The following SCFD2 variants were observed in gnomAD, a reference collection of about 807,000 sequenced individuals.
SCFD2 encodes the protein sec1 family domain-containing protein 2.
In SCFD2, 54 loss-of-function variants were observed where a neutral mutation model predicts 58.9. The ratio of observed to expected loss-of-function variants is 0.92; its 90% CI spans 0.74 to 1.15. SCFD2 has a LOEUF of 1.15. Ranked by LOEUF, SCFD2 falls within the 50% of genes most tolerant of loss-of-function variation. The pLI is 0.00. For synonymous variants in SCFD2, 321 were observed against 335.9 expected (o/e 0.96, Z 0.49); for missense variants, 805 against 836.6 (o/e 0.96, Z 0.47).
chr4:53,034,199 C>T (rs370223791), intron 5 of SCFD2, among the ~76,000 whole-genome samples: 5 of 151,912 alleles, frequency 3.3e-5, no homozygotes, highest in African/African-American at 7.3e-5. Flanking sequence ...ATAAACAGAA[C>T]CATAACCAAT....
chr4:53,360,151 A>G (rs1734511629), intron 1 of SCFD2, among the ~76,000 whole-genome samples: 1 of 152,238 alleles, frequency 6.6e-6, no homozygotes, highest in Non-Finnish European at 1.5e-5. Flanking sequence ...ACAGCTATGT[A>G]CCCACTGAAA....
chr4:53,057,524 G>A (rs140928645), intron 5 of SCFD2, among the ~76,000 whole-genome samples: 1,731 of 151,976 alleles, frequency 0.011, 18 homozygotes, highest in Middle Eastern at 0.034. Context: ...ACACAGAGAG[G>A]GGAACAACAC....
intron 4 of SCFD2, among the ~76,000 whole-genome samples, chr4:53,156,629 C>T (rs1239761368): frequency 1.3e-5 from 2 of 152,116 alleles, no homozygotes; most frequent in African/African-American, 2.4e-5. Flanking sequence ...ACCCAGGAGG[C>T]GGAGCTTGCC....
intron 7 of SCFD2, among the ~76,000 whole-genome samples, chr4:52,905,529 G>A (rs920481661): frequency 3.3e-5 from 5 of 152,206 alleles, no homozygotes; most frequent in African/African-American, 1.2e-4. Flanking sequence ...GCTAAAGGCT[G>A]AGGAATGGAT....
intron 5 of SCFD2, among the ~76,000 whole-genome samples, chr4:52,933,618 C>T (rs576137672): frequency 6.6e-6 from 1 of 152,274 alleles, no homozygotes; most frequent in East Asian, 1.9e-4. Context: ...TGGTGAACTA[C>T]AGCCGGCTCC....
intron 4 of SCFD2, among the ~76,000 whole-genome samples, chr4:53,196,750 T>C (rs1728070059): frequency 6.7e-6 from 1 of 150,350 alleles, no homozygotes; most frequent in African/African-American, 2.5e-5. Context: ...TAAAAAGGGG[T>C]GGGGGAAGGA....
intron 4 of SCFD2, among the ~76,000 whole-genome samples, chr4:53,245,571 A>G (rs1730041696): frequency 6.6e-6 from 1 of 152,206 alleles, no homozygotes; most frequent in Non-Finnish European, 1.5e-5. Context: ...CTTCATGTTG[A>G]AAACACTCAA....
intron 4 of SCFD2, among the ~76,000 whole-genome samples, chr4:53,228,683 T>G (rs1405129807): frequency 6.6e-6 from 1 of 152,074 alleles, no homozygotes; most frequent in East Asian, 1.9e-4. Flanking sequence ...GGGCAAAAAC[T>G]GGAAGCATTC....
intron 5 of SCFD2, among the ~76,000 whole-genome samples, chr4:53,017,873 G>A (rs1359055269): frequency 2.1e-5 from 3 of 145,400 alleles, no homozygotes; most frequent in East Asian, 2.0e-4. Context: ...TACCTGGTAG[G>A]TCATTCCCCA....
At chr4:53,090,859 A>C (rs1207683861) in intron 5 of SCFD2, among the ~76,000 whole-genome samples, 2 of 152,118 alleles carry the variant, frequency 1.3e-5, no homozygotes, top group Non-Finnish European at 1.5e-5. Context: ...TGGGATAAGC[A>C]CTATCATCAT....
At chr4:53,097,985 T>A (rs187036114) in intron 5 of SCFD2, among the ~76,000 whole-genome samples, 82 of 152,340 alleles carry the variant, frequency 5.4e-4, no homozygotes, top group African/African-American at 1.9e-3. Context: ...ATGTGGCTTT[T>A]GTCTTTGGTT....
chr4:53,100,076 G>A (rs905658193), intron 5 of SCFD2, among the ~76,000 whole-genome samples: 3 of 152,150 alleles, frequency 2.0e-5, no homozygotes, highest in African/African-American at 7.2e-5. Context: ...GGAAACTGAT[G>A]AAGAAAACAA....
intron 5 of SCFD2, among the ~76,000 whole-genome samples, chr4:53,021,048 T>C (rs1293001666): frequency 6.6e-6 from 1 of 152,172 alleles, no homozygotes; most frequent in Non-Finnish European, 1.5e-5. Flanking sequence ...TTACATTCTT[T>C]TAGAAATGAG....
At chr4:52,927,637 A>G (rs1375703874) in intron 5 of SCFD2, among the ~76,000 whole-genome samples, 1 of 152,234 alleles carries the variant, frequency 6.6e-6, no homozygotes, top group Non-Finnish European at 1.5e-5. Flanking sequence ...ATTTAATTAA[A>G]TCTTGCAACT....
intron 3 of SCFD2, among the ~76,000 whole-genome samples, chr4:53,275,298 A>C (rs11724781): frequency 0.47 from 72,040 of 152,076 alleles, 18,276 homozygotes; most frequent in Admixed American, 0.56. Context: ...TGAAGAGATA[A>C]AGAATGTTTA....
chr4:53,318,757 A>G (rs1228288891), intron 2 of SCFD2, among the ~76,000 whole-genome samples: 7 of 152,180 alleles, frequency 4.6e-5, no homozygotes, highest in East Asian at 3.9e-4. Flanking sequence ...TGGCCAAATT[A>G]AGGAAAATTT....
At chr4:53,180,093 G>A (rs905508087) in intron 4 of SCFD2, among the ~76,000 whole-genome samples, 17 of 152,018 alleles carry the variant, frequency 1.1e-4, no homozygotes, top group Non-Finnish European at 1.3e-4. Flanking sequence ...ACAGAACAAC[G>A]AGACAGAAAG....
chr4:52,937,197 G>A (rs934665007), intron 5 of SCFD2, among the ~76,000 whole-genome samples: 5 of 152,202 alleles, frequency 3.3e-5, no homozygotes, highest in Admixed American at 2.0e-4. Context: ...CTGGACAGAA[G>A]GGCAGCAAGT....
rs66657838 is a variant in SCFD2, at chr4:53,328,144, C to CA, written c.1008-14382dup. 6.0e-5 allele frequency among the ~76,000 whole-genome samples: 9 copies of CA among 149,350 alleles called. 1 individual carries two copies. Among genetic ancestry groups the CA allele is most frequent in the Non-Finnish European group, 7.4e-5 (5 of 67,242 alleles). The stretch of plus-strand genomic sequence containing the variant: ...AGCGAGACTCTGTCTCAAAAAAAAA[C>CA]AAAAAAAAAACAAAGAATGATCAAT... On this transcript the variant is annotated intron_variant, in intron 2 of 8. Coordinates refer to ENST00000401642, the MANE Select transcript of SCFD2 (RefSeq NM_152540.4).
Sources: gnomAD v4.1 joint callset for allele counts (sites outside exome capture counted in the v4.1 genomes callset) on GRCh38, gnomAD v4.1.1 for gene constraint, MANE v1.5 for transcripts, NCBI Gene and HGNC (gene_info 2026-07-23, HGNC 2026-07-21) for gene names.